The following KDM4B variants were observed in gnomAD, a reference collection of about 807,000 sequenced individuals.
KDM4B encodes the protein lysine demethylase 4B.
KDM4B carries 32 observed loss-of-function variants against 125.2 expected under a neutral mutation model. That is an observed-to-expected ratio of 0.26 (90% confidence interval 0.19 to 0.34). The LOEUF (loss-of-function observed/expected upper bound fraction) is 0.34. Ranked by LOEUF, KDM4B falls within the 10% of genes least tolerant of loss-of-function variation. The probability of loss-of-function intolerance (pLI) is 1.00; values close to 1 mark genes in which losing one functional copy is unlikely to be tolerated. For synonymous variants in KDM4B, 721 were observed against 677.9 expected, an observed-to-expected ratio of 1.06 and a Z score of -0.99; for missense variants, 1,190 against 1,577.7, an observed-to-expected ratio of 0.75 and a Z score of 4.16.
intron 9 of KDM4B, among the ~76,000 whole-genome samples, chr19:5,097,632 G>A (rs1278049288): frequency 5.9e-5 from 9 of 152,240 alleles, no homozygotes; most frequent in South Asian, 4.1e-4. Flanking sequence ...AAGGCAAGGC[G>A]CAGAGCAGGG....
chr19:5,138,758 G>A (rs893402107), intron 18 of KDM4B, among the ~76,000 whole-genome samples: 6 of 152,244 alleles, frequency 3.9e-5, no homozygotes, highest in African/African-American at 1.4e-4. Context: ...GTGGTGGGCA[G>A]CAGGGCTCTG....
At chr19:5,077,704 C>A in intron 8 of KDM4B, 1 of 519,694 alleles carries the variant, frequency 1.9e-6, no homozygotes, top group Non-Finnish European at 3.4e-6. Flanking sequence ...CCTCCCAAAC[C>A]AAACCAAAAC....
chr19:5,123,738 G>A (rs549277318), intron 11 of KDM4B, among the ~76,000 whole-genome samples: 2 of 152,248 alleles, frequency 1.3e-5, no homozygotes, highest in African/African-American at 2.4e-5. Flanking sequence ...CAAGCTGGGC[G>A]CCTGAGCATG....
intron 6 of KDM4B, among the ~76,000 whole-genome samples, chr19:5,054,976 A>T (rs1341202295): frequency 1.3e-5 from 2 of 152,208 alleles, no homozygotes. Context: ...TTAACTCGTG[A>T]TGCTGCAAAG....
Position 4,997,252 on chromosome 19 carries a change from A to T in KDM4B, c.-108-19005A>T, listed in dbSNP as rs1186291206. Among the ~76,000 whole-genome samples the T allele has an allele frequency of 4.0e-5, 6 of 151,760 alleles. No homozygotes were observed. Among genetic ancestry groups the T allele is most frequent in the Admixed American group, 3.9e-4 (6 of 15,252 alleles). On this transcript the variant is annotated intron_variant, in intron 1 of 22. Coordinates refer to ENST00000159111, the MANE Select transcript of KDM4B (RefSeq NM_015015.3). The surrounding 1 kb of genome is among the most constrained non-coding windows in gnomAD (Gnocchi z 4.2). ...CAGTTCCTCACTTATCTTTAGTTTTATTTTTGGTGCGTTGTTACATAGGAT... is the reference window on the plus strand; with the variant it reads ...CAGTTCCTCACTTATCTTTAGTTTTTTTTTTGGTGCGTTGTTACATAGGAT...
At chr19:5,086,198 C>A (rs1422558857) in intron 9 of KDM4B, among the ~76,000 whole-genome samples, 6 of 152,056 alleles carry the variant, frequency 3.9e-5, no homozygotes, top group African/African-American at 1.4e-4. Context: ...CCCTGCCCCC[C>A]CCCACCCCGT....
At chr19:5,002,186 T>G (rs906715037) in intron 1 of KDM4B, among the ~76,000 whole-genome samples, 1 of 152,060 alleles carries the variant, frequency 6.6e-6, no homozygotes, top group Non-Finnish European at 1.5e-5. Context: ...TTAGTAGAGA[T>G]AGGGTTTCGC....
At chr19:5,095,534 T>TGTG (rs1332831827) in intron 9 of KDM4B, among the ~76,000 whole-genome samples, 1 of 152,238 alleles carries the variant, frequency 6.6e-6, no homozygotes, top group Non-Finnish European at 1.5e-5. Flanking sequence ...GCCAGGGTCC[T>TGTG]GTGATGATGC....
chr19:5,134,453 G>A (rs929948647), intron 14 of KDM4B, among the ~76,000 whole-genome samples: 4 of 152,178 alleles, frequency 2.6e-5, no homozygotes, highest in Admixed American at 6.5e-5. Flanking sequence ...CTGTCTAGCT[G>A]AGCTGGGCAC....
intron 1 of KDM4B, among the ~76,000 whole-genome samples, chr19:4,981,487 T>A (rs1344856034): frequency 6.6e-6 from 1 of 152,138 alleles, no homozygotes; most frequent in Non-Finnish European, 1.5e-5. Flanking sequence ...CGGGGCCTGG[T>A]CCCAGCCCTG....
intron 2 of KDM4B, among the ~76,000 whole-genome samples, chr19:5,032,152 C>T (rs562340622): frequency 1.3e-5 from 2 of 152,350 alleles, no homozygotes; most frequent in East Asian, 3.9e-4. Flanking sequence ...CCCGCAGCCT[C>T]CGTGGAGAGG....
At chr19:5,012,730 G>A (rs1042254951) in intron 1 of KDM4B, among the ~76,000 whole-genome samples, 4 of 152,196 alleles carry the variant, frequency 2.6e-5, no homozygotes, top group East Asian at 1.9e-4. Context: ...ATCACATCCC[G>A]GTGAGCGTCA....
At chr19:5,047,306 C>T (rs940398043) in intron 5 of KDM4B, among the ~76,000 whole-genome samples, 170 bp from the exon 6 acceptor site, 1 of 152,060 alleles carries the variant, frequency 6.6e-6, no homozygotes, top group Non-Finnish European at 1.5e-5. Flanking sequence ...AGGTTAAGAC[C>T]AGCCCCTGGT....
intron 11 of KDM4B, among the ~76,000 whole-genome samples, chr19:5,125,944 T>A (rs930618368): frequency 6.6e-6 from 1 of 152,184 alleles, no homozygotes; most frequent in Non-Finnish European, 1.5e-5. Flanking sequence ...GCCTCATAAA[T>A]GCATGTTCAC....
At chr19:4,990,504 T>A (rs1370186261) in intron 1 of KDM4B, among the ~76,000 whole-genome samples, 3 of 152,154 alleles carry the variant, frequency 2.0e-5, no homozygotes, top group African/African-American at 4.8e-5. Context: ...GGCGAGGAGA[T>A]GGGAGGGCTG....
At chr19:5,075,575 A>C (rs2038079543) in intron 7 of KDM4B, 1 of 152,126 alleles carries the variant, frequency 6.6e-6, no homozygotes, top group South Asian at 2.1e-4. Context: ...GGCCTCCCAA[A>C]GTGCTGAGAT....
chr19:5,131,358 C>G lies in KDM4B; in HGVS notation c.1598C>G (p.Pro533Arg), dbSNP rs142952972. Residue 533 changes from proline to arginine, a missense_variant, in exon 12 of 23, where the codon CCG (proline) becomes CGG (arginine). Physicochemically the swap from Pro to Arg is moderately radical, Grantham distance 103. Coordinates refer to ENST00000159111, the MANE Select transcript of KDM4B (RefSeq NM_015015.3). Reference protein sequence around the residue: ...RPIIPMLYVVPRPGKAAFNQE... With the variant: ...RPIIPMLYVVRRPGKAAFNQE... ...ATCATCCCCATGCTGTACGTGGTGC[C>G]GCGGCCGGGCAAGGCAGCCTTCAAC... 1.2e-6 allele frequency: 2 copies of G among 1,611,898 alleles called. No individual in the cohort carries two copies. The highest frequency in any genetic ancestry group is 2.7e-5 in the African/African-American group (2 of 74,702).
chr19:5,033,106 C>T (rs2036510688), intron 3 of KDM4B, 75 bp downstream of exon 3: 3 of 1,545,596 alleles, frequency 1.9e-6, no homozygotes, highest in Non-Finnish European at 2.6e-6. Flanking sequence ...TGGGTCCCAG[C>T]TCAGCCAGCC....
At chr19:5,063,716 T>C (rs2037677965) in intron 6 of KDM4B, among the ~76,000 whole-genome samples, 1 of 152,244 alleles carries the variant, frequency 6.6e-6, no homozygotes, top group African/African-American at 2.4e-5. Context: ...CTCAGGTTCC[T>C]GTGAACAGCT....
Sources: gnomAD v4.1 joint callset for allele counts (sites outside exome capture counted in the v4.1 genomes callset) on GRCh38, gnomAD v4.1.1 for gene constraint, Gnocchi (gnomAD v3.1) non-coding constraint, MANE v1.5 for transcripts, NCBI Gene and HGNC (gene_info 2026-07-23, HGNC 2026-07-21) for gene names.